Variants in DPYD observed in about 807,000 individuals in gnomAD.
DPYD encodes the protein dihydropyrimidine dehydrogenase.
DPYD carries 109 observed loss-of-function variants against 116.2 expected under a neutral mutation model. The observed-to-expected ratio is 0.94, with a 90% CI of 0.80 to 1.10. The LOEUF is 1.10. Among genes scored for constraint, DPYD ranks in the 50% least tolerant of loss-of-function variants. The pLI, the probability that DPYD is intolerant of heterozygous loss-of-function variation, is 0.00. For synonymous variants in DPYD, 440 were observed against 432.0 expected (o/e 1.02, Z -0.23); for missense variants, 1,302 against 1,254.5 (o/e 1.04, Z -0.57).
chr1:97,603,010 T>C (rs769979566), intron 8 of DPYD, among the ~76,000 whole-genome samples: 4 of 152,070 alleles, frequency 2.6e-5, no homozygotes, highest in Non-Finnish European at 5.9e-5. Flanking sequence ...CTTTGTCTCT[T>C]GAGCCTTTTC....
chr1:97,823,129 CT>C (rs890468688), intron 3 of DPYD, among the ~76,000 whole-genome samples: 6 of 151,906 alleles, frequency 3.9e-5, no homozygotes, highest in African/African-American at 1.2e-4. Context: ...AAACACTTGT[CT>C]TTTTTTGTTT....
chr1:97,474,786 T>G (rs1677859478), intron 13 of DPYD, among the ~76,000 whole-genome samples: 1 of 151,292 alleles, frequency 6.6e-6, no homozygotes, highest in Non-Finnish European at 1.5e-5. Context: ...ATGAGATATA[T>G]GTTATAATTA....
intron 18 of DPYD, among the ~76,000 whole-genome samples, chr1:97,293,043 A>G (rs189349354): frequency 3.9e-5 from 6 of 152,304 alleles, no homozygotes; most frequent in Non-Finnish European, 7.4e-5. Context: ...TGAAAAGTAC[A>G]TATGTTTCTT....
intron 3 of DPYD, among the ~76,000 whole-genome samples, chr1:97,780,411 A>C (rs1161383996): frequency 6.6e-6 from 1 of 152,218 alleles, no homozygotes; most frequent in Non-Finnish European, 1.5e-5. Context: ...AAGAACAATA[A>C]ATTTTTTAAA....
intron 8 of DPYD, among the ~76,000 whole-genome samples, chr1:97,669,400 A>C (rs549085030): frequency 1.4e-4 from 22 of 152,254 alleles, no homozygotes; most frequent in Middle Eastern, 3.4e-3. Context: ...ATATGAGTTT[A>C]AGAAATAGAA....
chr1:97,611,919 A>G (rs1655975813), intron 8 of DPYD, among the ~76,000 whole-genome samples: 1 of 152,036 alleles, frequency 6.6e-6, no homozygotes, highest in Non-Finnish European at 1.5e-5. Context: ...TCATTCTTTC[A>G]TAAACATTCA....
At chr1:97,634,796 A>G (rs573596791) in intron 8 of DPYD, among the ~76,000 whole-genome samples, 120 of 152,072 alleles carry the variant, frequency 7.9e-4, no homozygotes, top group African/African-American at 2.8e-3. Flanking sequence ...ATAGAATAGC[A>G]TCAGAACAAA....
At chr1:97,382,890 GA>G (rs145744856) in intron 14 of DPYD, among the ~76,000 whole-genome samples, 20 of 151,626 alleles carry the variant, frequency 1.3e-4, no homozygotes, top group African/African-American at 4.1e-4. Context: ...TGATGGAAAA[GA>G]AAAAAAATAG....
intron 7 of DPYD, among the ~76,000 whole-genome samples, chr1:97,682,086 C>G (rs1660455076): frequency 6.6e-6 from 1 of 152,034 alleles, no homozygotes; most frequent in South Asian, 2.1e-4. Flanking sequence ...TCTTCCACCA[C>G]AGCAGAGTGA....
chr1:97,561,402 C>A (rs1416788321), intron 11 of DPYD, among the ~76,000 whole-genome samples: 1 of 152,142 alleles, frequency 6.6e-6, no homozygotes, highest in Admixed American at 6.5e-5. Context: ...ACCATTTATT[C>A]ATCTCTTCAC....
chr1:97,817,265 G>A (rs1012517927), intron 3 of DPYD, among the ~76,000 whole-genome samples: 2 of 151,928 alleles, frequency 1.3e-5, no homozygotes, highest in African/African-American at 2.4e-5. Flanking sequence ...ACTTCTACTC[G>A]ATTTTCAAAA....
intron 8 of DPYD, among the ~76,000 whole-genome samples, chr1:97,633,817 C>A (rs1571097489): frequency 1.3e-5 from 2 of 152,070 alleles, no homozygotes; most frequent in South Asian, 4.1e-4. Context: ...AGTGGCTAGA[C>A]AATATATGGG....
At chr1:97,646,764 T>G (rs547838552) in intron 8 of DPYD, among the ~76,000 whole-genome samples, 3 of 152,242 alleles carry the variant, frequency 2.0e-5, no homozygotes, top group Admixed American at 2.0e-4. Context: ...AGGATGTTCC[T>G]GCAGAGGTGG....
intron 8 of DPYD, among the ~76,000 whole-genome samples, chr1:97,607,480 T>A (rs912222636): frequency 6.6e-6 from 1 of 151,730 alleles, no homozygotes; most frequent in Non-Finnish European, 1.5e-5. Flanking sequence ...AGGAGGGAAA[T>A]CCCGTCTAGA....
chr1:97,091,721 T>C (rs1400966525), intron 21 of DPYD, among the ~76,000 whole-genome samples: 1 of 152,166 alleles, frequency 6.6e-6, no homozygotes, highest in Non-Finnish European at 1.5e-5. Flanking sequence ...TATCTTTTCA[T>C]TTAAAACAAT....
rs184367677 is a variant in DPYD, at chr1:97,142,199, C to T, written c.2623-43567G>A. Among the ~76,000 whole-genome samples the T allele has an allele frequency of 1.2e-4, 18 of 152,266 alleles. 2 individuals carry two copies. In the East Asian group the frequency reaches 2.9e-3, roughly 24 times the overall value. The stretch of plus-strand genomic sequence containing the variant: ...AGATAGTTCTTCAAGTCAACTTGCA[C>T]TCAAAGAGTATTGGGCCTTTTATGG... On this transcript the variant is annotated intron_variant, in intron 20 of 22. Coordinates refer to ENST00000370192, the MANE Select transcript of DPYD (RefSeq NM_000110.4).
intron 8 of DPYD, among the ~76,000 whole-genome samples, chr1:97,655,055 G>A (rs1658826928): frequency 6.6e-6 from 1 of 152,056 alleles, no homozygotes; most frequent in Non-Finnish European, 1.5e-5. Flanking sequence ...CTCACAACAT[G>A]TAGGAATTAT....
chr1:97,848,637 T>C (rs998748391), intron 2 of DPYD, among the ~76,000 whole-genome samples: 2 of 152,226 alleles, frequency 1.3e-5, no homozygotes, highest in South Asian at 4.1e-4. Flanking sequence ...TAATGCTTAA[T>C]TTGATATGAA....
intron 20 of DPYD, among the ~76,000 whole-genome samples, chr1:97,107,429 T>C (rs889692055): frequency 6.6e-6 from 1 of 152,048 alleles, no homozygotes; most frequent in Admixed American, 6.6e-5. Context: ...TTATATTTTG[T>C]AGAGATGATG....
Sources: allele counts gnomAD v4.1 joint callset (sites outside exome capture counted in the v4.1 genomes callset), GRCh38; gene constraint gnomAD v4.1.1; transcripts MANE v1.5; gene names NCBI Gene and HGNC (gene_info 2026-07-23, HGNC 2026-07-21).